The following INVS variants were observed in gnomAD, a reference collection of about 807,000 sequenced individuals.
INVS encodes inversin.
In INVS, 86 loss-of-function variants were observed where a neutral mutation model predicts 108.8. The ratio of observed to expected loss-of-function variants is 0.79; its 90% CI spans 0.66 to 0.95. The LOEUF (loss-of-function observed/expected upper bound fraction) is 0.95. Among genes scored for constraint, INVS ranks in the 40% least tolerant of loss-of-function variants. The pLI is 0.00. For synonymous variants in INVS, 455 were observed against 473.5 expected (o/e 0.96, Z 0.51); for missense variants, 1,169 against 1,297.4 (o/e 0.90, Z 1.52).
chr9:100,229,818 A>G lies in INVS; in HGVS notation c.606A>G (p.Arg202=). ...HKDPSAVHTV[R]CILDAAPTES... The stretch of plus-strand genomic sequence containing the variant: ...ATCCAAGTGCTGTTCACACAGTGAG[A>G]TGCATTCTGGTGAGTTGAATGGTAC... Residue 202 remains arginine, a synonymous_variant, in exon 5 of 17, where the codon AGA becomes AGG. Transcript: ENST00000262457. 6.2e-7 allele frequency: 1 copy of G among 1,614,106 alleles called. No homozygotes were observed. The highest frequency in any genetic ancestry group is 1.1e-5 in the South Asian group (1 of 91,078).
At chr9:100,173,645 C>G (rs749841341) in intron 3 of INVS, among the ~76,000 whole-genome samples, 1 of 152,154 alleles carries the variant, frequency 6.6e-6, no homozygotes, top group Non-Finnish European at 1.5e-5. Context: ...AGGAGAATCG[C>G]TTGAACCCGG....
At chr9:100,124,212 G>A (rs1588018345) in intron 2 of INVS, among the ~76,000 whole-genome samples, 1 of 146,298 alleles carries the variant, frequency 6.8e-6, no homozygotes, top group South Asian at 2.2e-4. Flanking sequence ...GTGTGTGTGT[G>A]TGTATGATTG....
chr9:100,152,848 A>T (rs1453457035), intron 3 of INVS, among the ~76,000 whole-genome samples: 1 of 152,166 alleles, frequency 6.6e-6, no homozygotes, highest in East Asian at 1.9e-4. Context: ...GGGTCCTTTT[A>T]TTCAAGTCTT....
intron 3 of INVS, among the ~76,000 whole-genome samples, chr9:100,140,308 T>G (rs148463517): frequency 4.6e-4 from 70 of 152,028 alleles, no homozygotes; most frequent in African/African-American, 1.6e-3. Context: ...GTGGAGCTGT[T>G]TTATAAGATT....
intron 2 of INVS, among the ~76,000 whole-genome samples, chr9:100,112,779 A>G (rs1827381747): frequency 6.6e-6 from 1 of 152,208 alleles, no homozygotes; most frequent in Non-Finnish European, 1.5e-5. Context: ...CACAGGCCAC[A>G]GGTTGGATAA....
chr9:100,194,513 T>C (rs1830317218), intron 3 of INVS, among the ~76,000 whole-genome samples: 2 of 150,230 alleles, frequency 1.3e-5, no homozygotes, highest in Non-Finnish European at 3.0e-5. Context: ...GTTTTTTTTT[T>C]CAAATCTTTA....
chr9:100,174,539 T>C (rs1422282727), intron 3 of INVS, among the ~76,000 whole-genome samples: 1 of 152,140 alleles, frequency 6.6e-6, no homozygotes, highest in Admixed American at 6.6e-5. Flanking sequence ...AAGAAAATGA[T>C]GGCCAAAAAT....
chr9:100,246,539 C>T (rs910774647), intron 7 of INVS, 77 bp from the exon 8 acceptor site: 11 of 1,006,666 alleles, frequency 1.1e-5, no homozygotes, highest in Non-Finnish European at 1.4e-5. Flanking sequence ...ATGGAATTCA[C>T]ATATTATTAT....
chr9:100,286,127 CA>C (rs1185416483), intron 13 of INVS, among the ~76,000 whole-genome samples: 1 of 152,154 alleles, frequency 6.6e-6, no homozygotes, highest in African/African-American at 2.4e-5. Context: ...TTCTACACCA[CA>C]AGGTAGCTAT....
At chr9:100,128,603 T>A (rs1379726262) in intron 3 of INVS, among the ~76,000 whole-genome samples, 3 of 152,222 alleles carry the variant, frequency 2.0e-5, no homozygotes, top group Non-Finnish European at 2.9e-5. Context: ...CAAATAATAG[T>A]TGGAGATAAT....
intron 2 of INVS, among the ~76,000 whole-genome samples, chr9:100,115,352 C>T (rs982341753): frequency 6.6e-5 from 10 of 151,610 alleles, no homozygotes; most frequent in East Asian, 3.9e-4. Context: ...ATGTGCACAA[C>T]GTGCAGGTTT....
Position 100,251,253 on chromosome 9 carries a change from A to G in INVS, c.1079-1030A>G, listed in dbSNP as rs1292796591. Among the ~76,000 whole-genome samples the G allele has an allele frequency of 2.0e-5, 3 of 152,214 alleles. No homozygotes were observed. The East Asian group carries it at 5.8e-4, about 29-fold the overall frequency. On this transcript the variant is annotated intron_variant, in intron 8 of 16. Transcript: ENST00000262457. ...TATTCTTTGCTAAACACCCAGCATT[A>G]TAATACTACCCAGCCCAAAAATCTG...
chr9:100,197,184 A>G (rs895325541), intron 3 of INVS, among the ~76,000 whole-genome samples: 1 of 152,178 alleles, frequency 6.6e-6, no homozygotes, highest in African/African-American at 2.4e-5. Flanking sequence ...TCTAGTTTCA[A>G]TTACTTTGCT....
At chr9:100,290,014 C>T (rs1336232905) in intron 13 of INVS, among the ~76,000 whole-genome samples, 2 of 152,156 alleles carry the variant, frequency 1.3e-5, no homozygotes, top group African/African-American at 4.8e-5. Context: ...GCTCCACATC[C>T]CCACCAGCAT....
intron 3 of INVS, among the ~76,000 whole-genome samples, chr9:100,181,983 T>G (rs1182297093): frequency 6.6e-6 from 1 of 152,134 alleles, no homozygotes; most frequent in Non-Finnish European, 1.5e-5. Context: ...CCATCTAATC[T>G]TTGACAAACC....
chr9:100,180,002 A>G (rs911345356), intron 3 of INVS, among the ~76,000 whole-genome samples: 4 of 152,196 alleles, frequency 2.6e-5, no homozygotes, highest in African/African-American at 9.7e-5. Context: ...GAACCACACA[A>G]CTACATGGAA....
chr9:100,291,283 C>G (rs768387718), intron 13 of INVS, among the ~76,000 whole-genome samples: 10 of 152,050 alleles, frequency 6.6e-5, no homozygotes, highest in Non-Finnish European at 1.3e-4. Context: ...AGGCTGGTCT[C>G]AAACTCCTGA....
chr9:100,122,092 A>G (rs997794149), intron 2 of INVS, among the ~76,000 whole-genome samples: 1 of 152,100 alleles, frequency 6.6e-6, no homozygotes, highest in Admixed American at 6.5e-5. Context: ...GACCCAGTAT[A>G]TTGTATATTT....
chr9:100,190,285 T>G (rs1413746541), intron 3 of INVS, among the ~76,000 whole-genome samples: 1 of 152,180 alleles, frequency 6.6e-6, no homozygotes, highest in Non-Finnish European at 1.5e-5. Flanking sequence ...ACATGTTAAG[T>G]GAGTCTCTTG....
Sources: allele counts gnomAD v4.1 joint callset (sites outside exome capture counted in the v4.1 genomes callset), GRCh38; gene constraint gnomAD v4.1.1; transcripts MANE v1.5; gene names NCBI Gene and HGNC (gene_info 2026-07-23, HGNC 2026-07-21).